CRYBG3: variants seen among roughly 807,000 people sequenced by gnomAD.
The protein encoded by CRYBG3 is crystallin beta-gamma domain containing 3, also known as very large A-kinase anchor protein.
CRYBG3 carries 127 observed loss-of-function variants against 244.2 expected under a neutral mutation model. That is an observed-to-expected ratio of 0.52 (90% CI 0.45 to 0.60). CRYBG3 has a LOEUF of 0.60. Ranked by LOEUF, CRYBG3 falls within the 20% of genes least tolerant of loss-of-function variation. The pLI is 0.00. For missense variants in CRYBG3, 3,325 were observed against 3,442.5 expected (o/e 0.97, Z 0.85); for synonymous variants, 1,132 against 1,195.8 (o/e 0.95, Z 1.10).
Position 97,873,539 on chromosome 3 carries a change from G to T in CRYBG3, c.2345G>T (p.Arg782Ile). 6.5e-7 allele frequency: 1 copy of T among 1,535,956 alleles called. No homozygotes were observed. Among genetic ancestry groups the T allele is most frequent in the Non-Finnish European group, 8.7e-7 (1 of 1,146,804 alleles). ...TCCATTTTATCTCAAGACCCTAATA[G>T]AGTAGAGTTAGTGTCTTCAAACACT... ...CSSILSQDPN[R>I]VELVSSNTKA... Residue 782 changes from arginine (R) to isoleucine (I), a missense_variant, in exon 4 of 22, where the codon AGA becomes ATA. Coordinates refer to ENST00000389622, the MANE Select transcript of CRYBG3 (RefSeq NM_153605.4).
chr3:97,915,890 G>T (rs2039923764), intron 17 of CRYBG3, among the ~76,000 whole-genome samples, 154 bp downstream of exon 17: 1 of 151,912 alleles, frequency 6.6e-6, no homozygotes, highest in Non-Finnish European at 1.5e-5. Context: ...TAAAACTGAG[G>T]TTCATTCATG....
chr3:97,878,137 A>G (rs1170276216), intron 4 of CRYBG3, 100 bp downstream of exon 4: 4 of 1,073,696 alleles, frequency 3.7e-6, no homozygotes, highest in East Asian at 5.2e-5. Context: ...TTGGCCAAGC[A>G]TGGTGGCTCA....
intron 20 of CRYBG3, 114 bp downstream of exon 20, chr3:97,941,420 G>T (rs2040229093): frequency 1.5e-6 from 1 of 683,768 alleles, no homozygotes. Flanking sequence ...TTAGAAACAG[G>T]TGTTGATTAT....
rs369612302 is a variant in CRYBG3, at chr3:97,900,404, G to A, written c.7972-49G>A. On this transcript the variant is annotated intron_variant, in intron 14 of 21. Coordinates refer to ENST00000389622, the MANE Select transcript of CRYBG3 (RefSeq NM_153605.4). ...AGGGTATTTTCAAAACTTTCAAAAAGACAGATTATGTGATTACAATTTTGA... is the reference window on the plus strand; with the variant it reads ...AGGGTATTTTCAAAACTTTCAAAAAAACAGATTATGTGATTACAATTTTGA... The A allele has an allele frequency of 1.0e-3, 862 of 847,168 alleles. 4 individuals are homozygous for A. The African/African-American group carries it at 0.014, about 14-fold the overall frequency. The allele number at this position is 847,168 out of a possible 1,614,324, so 52.5% of individuals were successfully genotyped here.
intron 1 of CRYBG3, among the ~76,000 whole-genome samples, chr3:97,830,082 A>G (rs904657503): frequency 6.6e-6 from 1 of 152,172 alleles, no homozygotes; most frequent in African/African-American, 2.4e-5. Flanking sequence ...TCCAGCCAAA[A>G]TAATCATTAT....
chr3:97,883,344 T>G (rs773389417), intron 7 of CRYBG3, among the ~76,000 whole-genome samples: 5 of 152,140 alleles, frequency 3.3e-5, no homozygotes, highest in Non-Finnish European at 7.3e-5. Flanking sequence ...CTTGAAAAAA[T>G]GACTAGTTAG....
At chr3:97,862,008 G>A (rs571388760) in intron 2 of CRYBG3, among the ~76,000 whole-genome samples, 1 of 152,018 alleles carries the variant, frequency 6.6e-6, no homozygotes, top group South Asian at 2.1e-4. Context: ...AACATTTAAG[G>A]GAACTAAAAA....
chr3:97,837,859 T>C (rs375542226), intron 1 of CRYBG3, among the ~76,000 whole-genome samples: 17 of 152,096 alleles, frequency 1.1e-4, no homozygotes, highest in African/African-American at 3.6e-4. Context: ...ATCAAGTCTT[T>C]ACCATTTCCA....
At position 97,864,970 on chromosome 3, in the gene CRYBG3, G is replaced by T. The variant is rs554297461; in HGVS notation, c.647+323G>T. On this transcript the variant is annotated intron_variant, in intron 3 of 21. Transcript: ENST00000389622. ...AATATGTGCATTTTCGGGGAAAATG[G>T]TCCTCAGGTTTATATTCTTATTCTG... 2.6e-5 allele frequency among the ~76,000 whole-genome samples: 4 copies of T among 152,136 alleles called. No homozygotes were observed. The South Asian group carries it at 8.3e-4, about 32-fold the overall frequency.
intron 1 of CRYBG3, among the ~76,000 whole-genome samples, chr3:97,832,227 C>CAA (rs34688264): frequency 1.1e-3 from 94 of 81,796 alleles, no homozygotes; most frequent in African/African-American, 3.2e-3. Context: ...CATGTGGAAC[C>CAA]AAAAAAAAAA....
At position 97,875,213 on chromosome 3, in the gene CRYBG3, C is replaced by T. The variant is rs2039356477; in HGVS notation, c.4019C>T (p.Thr1340Ile). ...TGGGATTCTGAACTTCAGGCTAATACTTCAAAAATTCTGAACAGTGATAGT... is the reference window on the plus strand; with the variant it reads ...TGGGATTCTGAACTTCAGGCTAATATTTCAAAAATTCTGAACAGTGATAGT... ...DTWDSELQAN[T>I]SKILNSDSVK... The change falls in exon 4 of 22, where the codon ACT becomes ATT. Residue 1340 changes from threonine (T) to isoleucine (I), a missense_variant. Physicochemically the swap from Thr to Ile is moderately conservative, Grantham distance 89 (BLOSUM62 -1). Transcript: ENST00000389622. 5 of 1,532,690 alleles carry T rather than the reference C, an allele frequency of 3.3e-6. No individual in the cohort carries two copies. In the East Asian group the frequency reaches 9.8e-5, roughly 30 times the overall value. The allele number at this position is 1,532,690 out of a possible 1,614,324, so 94.9% of individuals were successfully genotyped here. A position where few individuals can be genotyped will look rare whatever the true frequency, so the allele number is the denominator to read the frequency against.
rs144538959 is a variant in CRYBG3 at position 97,864,471 on chromosome 3, A to G, written c.471A>G (p.Gln157=). The part of the protein sequence containing the change: ...DDQDKTEKDL[Q]NPSDHHEDGI... ...AGGATAAAACTGAGAAGGATTTACA[A>G]AATCCCAGTGACCATCATGAAGACG... The change falls in exon 3 of 22, where the codon CAA becomes CAG. Residue 157 remains glutamine, a synonymous_variant. Coordinates refer to ENST00000389622, the MANE Select transcript of CRYBG3 (RefSeq NM_153605.4). 5.9e-5 allele frequency: 90 copies of G among 1,536,038 alleles called. 2 individuals carry two copies. Among genetic ancestry groups the G allele is most frequent in the African/African-American group, 5.5e-4 (40 of 73,172 alleles).
At chr3:97,878,535 GA>G (rs546085538) in intron 4 of CRYBG3, among the ~76,000 whole-genome samples, 272 of 151,632 alleles carry the variant, frequency 1.8e-3, no homozygotes, top group Non-Finnish European at 2.9e-3. Context: ...GGACTACTTA[GA>G]AAAAAAAATT....
intron 2 of CRYBG3, among the ~76,000 whole-genome samples, chr3:97,863,833 G>A (rs1261689114): frequency 4.6e-5 from 7 of 152,086 alleles, no homozygotes; most frequent in African/African-American, 1.7e-4. Context: ...CTTAGGAGCT[G>A]ACACCTCACT....
At chr3:97,849,538 C>T (rs377188390) in intron 2 of CRYBG3, among the ~76,000 whole-genome samples, 5 of 152,260 alleles carry the variant, frequency 3.3e-5, no homozygotes, top group South Asian at 4.1e-4. Context: ...GGGCTTAAGC[C>T]TGTCATTGTG....
At chr3:97,889,653 G>A (rs971375494) in intron 10 of CRYBG3, among the ~76,000 whole-genome samples, 8 of 152,094 alleles carry the variant, frequency 5.3e-5, no homozygotes, top group African/African-American at 1.9e-4. Flanking sequence ...GCTACAGGGT[G>A]GAAAGGTGAT....
intron 3 of CRYBG3, among the ~76,000 whole-genome samples, chr3:97,865,279 G>A (rs756014259): frequency 6.6e-6 from 1 of 152,124 alleles, no homozygotes; most frequent in East Asian, 1.9e-4. Flanking sequence ...TGACATAAAA[G>A]TATTCATTTG....
At chr3:97,885,150 C>T (rs1048855979) in intron 7 of CRYBG3, among the ~76,000 whole-genome samples, 4 of 152,004 alleles carry the variant, frequency 2.6e-5, no homozygotes, top group South Asian at 2.1e-4. Context: ...AACTTTAGAA[C>T]GAAGTATACT....
chr3:97,877,019 A>T lies in CRYBG3; in HGVS notation c.5825A>T (p.Glu1942Val). 1 of 1,556,948 alleles carries T rather than the reference A, an allele frequency of 6.4e-7. No homozygotes were observed. Among genetic ancestry groups the T allele is most frequent in the Non-Finnish European group, 8.7e-7 (1 of 1,154,520 alleles). ...TCCCCTACATTAAGTAAGGATTATGAGGGCTACCCAGCCCCAGCAATGCCA... is the reference window on the plus strand; with the variant it reads ...TCCCCTACATTAAGTAAGGATTATGTGGGCTACCCAGCCCCAGCAATGCCA... ...YESPTLSKDYEGYPAPAMPDF... is the reference protein window; with the variant it reads ...YESPTLSKDYVGYPAPAMPDF... Residue 1942 changes from glutamate to valine, a missense_variant, in exon 4 of 22, where the codon GAG (glutamate) becomes GTG (valine). By Grantham distance (121) the Glu-to-Val change is moderately radical. Transcript: ENST00000389622.
Sources: gnomAD v4.1 joint callset for allele counts (sites outside exome capture counted in the v4.1 genomes callset) on GRCh38, gnomAD v4.1.1 for gene constraint, MANE v1.5 for transcripts, NCBI Gene and HGNC (gene_info 2026-07-23, HGNC 2026-07-21) for gene names.